The following ARID5B variants were observed in gnomAD, a reference collection of about 807,000 sequenced individuals.
ARID5B encodes AT-rich interactive domain-containing protein 5B.
ARID5B carries 13 observed loss-of-function variants against 97.2 expected under a neutral mutation model. The observed-to-expected ratio is 0.13, with a 90% CI of 0.09 to 0.21. ARID5B has a LOEUF of 0.21. Ranked by LOEUF, ARID5B falls within the 10% of genes least tolerant of loss-of-function variation. The pLI is 1.00. For missense variants in ARID5B, 1,210 were observed against 1,465.3 expected (o/e 0.83, Z 2.84); for synonymous variants, 556 against 570.3 (o/e 0.97, Z 0.36).
chr10:62,073,012 G>C (rs1376996529), intron 8 of ARID5B, among the ~76,000 whole-genome samples: 1 of 152,218 alleles, frequency 6.6e-6, no homozygotes, highest in East Asian at 1.9e-4. Flanking sequence ...TGACTGGATT[G>C]GTGAAGGAAC....
chr10:62,034,578 G>A (rs762460436), intron 4 of ARID5B, among the ~76,000 whole-genome samples: 5 of 152,176 alleles, frequency 3.3e-5, no homozygotes, highest in Admixed American at 1.3e-4. Flanking sequence ...TGATTGCAAC[G>A]CTTTATTCTG....
intron 3 of ARID5B, among the ~76,000 whole-genome samples, chr10:61,995,730 G>C (rs528067122): frequency 2.8e-4 from 42 of 152,244 alleles, no homozygotes; most frequent in Non-Finnish European, 2.9e-5. Context: ...CTTCAACCTA[G>C]CTTCAACCTT....
chr10:61,944,155 CT>C (rs1389183505), intron 3 of ARID5B, among the ~76,000 whole-genome samples: 1 of 152,012 alleles, frequency 6.6e-6, no homozygotes, highest in South Asian at 2.1e-4. Flanking sequence ...ATTTTACCTT[CT>C]TTCAGACTGT....
chr10:61,908,820 A>AAAG (rs1177486622), intron 2 of ARID5B, among the ~76,000 whole-genome samples: 31 of 146,258 alleles, frequency 2.1e-4, no homozygotes, highest in African/African-American at 6.9e-4. Flanking sequence ...AAAAAAAAAA[A>AAAG]AAGAAGAAGA....
intron 8 of ARID5B, among the ~76,000 whole-genome samples, chr10:62,075,327 A>T (rs1010938111): frequency 1.3e-5 from 2 of 152,262 alleles, no homozygotes; most frequent in African/African-American, 4.8e-5. Flanking sequence ...AATATTTTAT[A>T]TAAGCTAAAT....
chr10:61,982,493 T>A (rs1240216811), intron 3 of ARID5B, among the ~76,000 whole-genome samples: 6 of 151,914 alleles, frequency 3.9e-5, no homozygotes. Flanking sequence ...ATTTATATAT[T>A]CTGAGTTAAA....
chr10:62,085,770 G>A lies in ARID5B; in HGVS notation c.1268G>A (p.Arg423Gln), dbSNP rs771981107. ...EDKPLPPIKP[R>Q]KQENSSQENE... ...AAGCCCCTGCCTCCAATCAAACCTCGGAAACAGGAGAACAGTTCACAGGAA... is the reference window on the plus strand; with the variant it reads ...AAGCCCCTGCCTCCAATCAAACCTCAGAAACAGGAGAACAGTTCACAGGAA... Residue 423 changes from arginine (R) to glutamine (Q), a missense_variant, in exon 9 of 10, where the codon CGG (arginine) becomes CAG (glutamine). Transcript: ENST00000279873. The A allele has an allele frequency of 6.8e-6, 11 of 1,613,716 alleles. No homozygotes were observed. Among genetic ancestry groups the A allele is most frequent in the South Asian group, 1.1e-5 (1 of 91,030 alleles).
intron 3 of ARID5B, among the ~76,000 whole-genome samples, chr10:61,983,806 A>ATT (rs1296310238): frequency 2.7e-5 from 4 of 148,912 alleles, no homozygotes; most frequent in Non-Finnish European, 5.9e-5. Flanking sequence ...TGATGTATCC[A>ATT]TTTTTCTTCT....
In ARID5B at chr10:62,000,807, A is replaced by G. The variant is rs537184142; in HGVS notation, c.733+486A>G. 2.6e-5 allele frequency among the ~76,000 whole-genome samples: 4 copies of G among 151,688 alleles called. No homozygotes were observed. The highest frequency in any genetic ancestry group is 1.3e-4 in the Admixed American group (2 of 15,198). On this transcript the variant is annotated intron_variant, in intron 4 of 9. Coordinates refer to ENST00000279873, the MANE Select transcript of ARID5B (RefSeq NM_032199.3). This position sits in a 1 kb window ranked among gnomAD's most constrained non-coding sequence, Gnocchi z 4.4. ...AAATAGATAACCACTTTAGTACTGT[A>G]CAGTAGATAGACACGTAGAGAGATG...
chr10:61,981,754 C>G (rs1372214753), intron 3 of ARID5B, among the ~76,000 whole-genome samples: 1 of 152,162 alleles, frequency 6.6e-6, no homozygotes, highest in East Asian at 1.9e-4. Context: ...TTTATGATCT[C>G]AAAACCCACA....
intron 3 of ARID5B, among the ~76,000 whole-genome samples, chr10:61,984,631 T>TCCTCCAAC (rs1838822128): frequency 6.6e-6 from 1 of 152,154 alleles, no homozygotes; most frequent in Non-Finnish European, 1.5e-5. Context: ...AATCCTCCAA[T>TCCTCCAAC]ATATCCTCCA....
At chr10:61,927,368 G>A (rs562646419) in intron 2 of ARID5B, among the ~76,000 whole-genome samples, 6 of 152,214 alleles carry the variant, frequency 3.9e-5, no homozygotes, top group African/African-American at 1.4e-4. Flanking sequence ...TAAAAAATGA[G>A]GAAAATAGGC....
rs1840383763 is a variant in ARID5B at position 62,092,016 on chromosome 10, A to G, written c.2553A>G (p.Glu851=). 6.2e-7 allele frequency: 1 copy of G among 1,614,022 alleles called. No individual in the cohort carries two copies. Among genetic ancestry groups the G allele is most frequent in the Non-Finnish European group, 8.5e-7 (1 of 1,180,022 alleles). The change falls in exon 10 of 10, where the codon GAA becomes GAG. Residue 851 remains glutamate (E), a synonymous_variant. Transcript: ENST00000279873. ...ACACCGAGCACCATCTTCATAATGAACAGACATCCAAATACCCTTCCAGGG... is the reference window on the plus strand; with the variant it reads ...ACACCGAGCACCATCTTCATAATGAGCAGACATCCAAATACCCTTCCAGGG... ...YRHTEHHLHN[E]QTSKYPSRDM...
chr10:61,967,500 C>T (rs1045327093), intron 3 of ARID5B, among the ~76,000 whole-genome samples: 6 of 152,210 alleles, frequency 3.9e-5, no homozygotes, highest in African/African-American at 1.4e-4. Flanking sequence ...GACAACACAT[C>T]GAACCTGGCT....
rs201106060 is a variant in ARID5B, at chr10:62,091,166, G to C, written c.1703G>C (p.Ser568Thr). 3.2e-5 allele frequency: 51 copies of C among 1,614,156 alleles called. No homozygotes were observed. Among genetic ancestry groups the C allele is most frequent in the Non-Finnish European group, 3.9e-5 (46 of 1,180,028 alleles). Residue 568 changes from serine (S) to threonine (T), a missense_variant, in exon 10 of 10, where the codon AGT (serine) becomes ACT (threonine). By Grantham distance (58) the Ser-to-Thr change is moderately conservative. Transcript: ENST00000279873. ...AGCAAACAGCCACTCACCTCTCCTAGTGCCCTGGTGGACTCAAAACAAGAA... is the reference window on the plus strand; with the variant it reads ...AGCAAACAGCCACTCACCTCTCCTACTGCCCTGGTGGACTCAAAACAAGAA... ...GASKQPLTSP[S>T]ALVDSKQESK... is the part of the protein sequence containing the mutation.
rs765155037 is a variant in ARID5B at position 62,096,356 on chromosome 10, G to A, written c.*3326G>A. On this transcript the variant is annotated 3_prime_UTR_variant, in exon 10 of 10. Transcript: ENST00000279873. Reference sequence around the variant, plus strand: ...AACCATTTATTTCTCTTCACTTATCGTCCCACAAAGTCACATTTGGTGGTG... The same window carrying A: ...AACCATTTATTTCTCTTCACTTATCATCCCACAAAGTCACATTTGGTGGTG... The A allele has an allele frequency of 3.4e-4, 79 of 233,424 alleles. No homozygotes were observed. The highest frequency in any genetic ancestry group is 6.0e-4 in the East Asian group (10 of 16,550). 14.5% of individuals were successfully genotyped at this position (233,424 alleles called of 1,614,324 possible).
chr10:61,989,954 AAGG>A (rs1173763128), intron 3 of ARID5B, among the ~76,000 whole-genome samples: 1 of 152,174 alleles, frequency 6.6e-6, no homozygotes, highest in African/African-American at 2.4e-5. Context: ...ATGGGTGAAG[AAGG>A]AGATGGGCTG....
intron 2 of ARID5B, among the ~76,000 whole-genome samples, chr10:61,937,679 A>G (rs917756283): frequency 6.6e-6 from 1 of 152,240 alleles, no homozygotes; most frequent in African/African-American, 2.4e-5. Context: ...GAGCTAATGT[A>G]ATCATGAGAT....
chr10:61,958,516 G>A (rs775457543), intron 3 of ARID5B, among the ~76,000 whole-genome samples: 1 of 152,242 alleles, frequency 6.6e-6, no homozygotes, highest in East Asian at 1.9e-4. Context: ...GTGAGCCGCC[G>A]CGCCCGGCCG....
Sources: gnomAD v4.1 joint callset for allele counts (sites outside exome capture counted in the v4.1 genomes callset) on GRCh38, gnomAD v4.1.1 for gene constraint, Gnocchi (gnomAD v3.1) non-coding constraint, MANE v1.5 for transcripts, NCBI Gene and HGNC (gene_info 2026-07-23, HGNC 2026-07-21) for gene names.